ATP6V0A1: variants seen among roughly 807,000 people sequenced by gnomAD.
The protein encoded by ATP6V0A1 is V-type proton ATPase 116 kDa subunit a 1.
ATP6V0A1 carries 43 observed loss-of-function variants against 105.4 expected under a neutral mutation model. The observed-to-expected ratio is 0.41, with a 90% CI of 0.32 to 0.53. The LOEUF is 0.53. Among genes scored for constraint, ATP6V0A1 ranks in the 20% least tolerant of loss-of-function variants. The pLI, the probability that ATP6V0A1 is intolerant of heterozygous loss-of-function variation, is 0.30. For missense variants in ATP6V0A1, 676 were observed against 1,051.1 expected (o/e 0.64, Z 4.93); for synonymous variants, 362 against 372.8 (o/e 0.97, Z 0.33).
chr17:42,459,495 A>G (rs1230792006), intron 1 of ATP6V0A1, among the ~76,000 whole-genome samples: 3 of 152,192 alleles, frequency 2.0e-5, no homozygotes, highest in African/African-American at 7.2e-5. Context: ...ACTTTGGCCT[A>G]ATTAGTTTTC....
chr17:42,476,473 G>A (rs754180917), intron 5 of ATP6V0A1, among the ~76,000 whole-genome samples: 145 of 152,150 alleles, frequency 9.5e-4, no homozygotes, highest in Non-Finnish European at 1.7e-3. Context: ...TTGTCTTATT[G>A]TGCTTTTGAA....
chr17:42,519,488 T>G (rs763558287), intron 21 of ATP6V0A1: 2 of 152,254 alleles, frequency 1.3e-5, no homozygotes, highest in Non-Finnish European at 2.9e-5. Flanking sequence ...AAATCTCGTT[T>G]CAGCTGTTCT....
chr17:42,500,624 A>G (rs2091595040), intron 15 of ATP6V0A1, 83 bp from the exon 16 acceptor site: 3 of 1,164,424 alleles, frequency 2.6e-6, no homozygotes, highest in African/African-American at 3.1e-5. Context: ...TATTAAGTAG[A>G]AAAATCTAGT....
At chr17:42,478,368 GATATAT>G in intron 6 of ATP6V0A1, 89 bp from the exon 7 acceptor site, 1 of 856,812 alleles carries the variant, frequency 1.2e-6, no homozygotes, top group Non-Finnish European at 1.5e-6. Context: ...AATAAAAAAA[GATATAT>G]ATATAAATAT....
At chr17:42,490,077 A>G (rs1177789979) in intron 10 of ATP6V0A1, among the ~76,000 whole-genome samples, 1 of 152,196 alleles carries the variant, frequency 6.6e-6, no homozygotes, top group Admixed American at 6.5e-5. Context: ...AGGGATCAGG[A>G]AGTTAAGAGA....
chr17:42,462,843 A>T (rs948881782), intron 2 of ATP6V0A1, among the ~76,000 whole-genome samples: 2 of 150,374 alleles, frequency 1.3e-5, no homozygotes, highest in African/African-American at 2.5e-5. Context: ...GAACTCCTGG[A>T]CTCAAGCGGT....
At chr17:42,496,499 A>T (rs1043215477) in intron 14 of ATP6V0A1, 7 of 151,880 alleles carry the variant, frequency 4.6e-5, no homozygotes, top group African/African-American at 1.7e-4. Context: ...GTAAAAATGG[A>T]GTGGCGGCAA....
chr17:42,466,551 T>G (rs1283860749), intron 3 of ATP6V0A1, 44 bp downstream of exon 3: 2 of 1,518,918 alleles, frequency 1.3e-6, no homozygotes, highest in Non-Finnish European at 1.8e-6. Flanking sequence ...TAATGAATCA[T>G]TTGTCTTAGA....
chr17:42,507,447 A>G (rs2092098699), intron 17 of ATP6V0A1, 73 bp from the exon 18 acceptor site: 8 of 1,077,026 alleles, frequency 7.4e-6, no homozygotes, highest in Non-Finnish European at 1.1e-5. Context: ...GTTACTAACC[A>G]TCGCCCTTCC....
At chr17:42,512,789 AAAG>A (rs1388608002) in intron 19 of ATP6V0A1, among the ~76,000 whole-genome samples, 1 of 152,174 alleles carries the variant, frequency 6.6e-6, no homozygotes, top group African/African-American at 2.4e-5. Flanking sequence ...GTGGGTTTTG[AAAG>A]GAACTGCGGT....
At chr17:42,473,163 A>C (rs1040834154) in intron 5 of ATP6V0A1, among the ~76,000 whole-genome samples, 1 of 152,222 alleles carries the variant, frequency 6.6e-6, no homozygotes, top group Non-Finnish European at 1.5e-5. Flanking sequence ...AGAGTCGAGA[A>C]TTTTGAGACT....
At chr17:42,492,292 C>T (rs542697233) in intron 11 of ATP6V0A1, among the ~76,000 whole-genome samples, 2 of 152,108 alleles carry the variant, frequency 1.3e-5, no homozygotes, top group South Asian at 4.2e-4. Context: ...TCACTTGAAC[C>T]CAGGAGGCAA....
At chr17:42,459,675 G>A (rs1323244372) in intron 1 of ATP6V0A1, among the ~76,000 whole-genome samples, 1 of 152,190 alleles carries the variant, frequency 6.6e-6, no homozygotes, top group Non-Finnish European at 1.5e-5. Flanking sequence ...TTGTTTAAGG[G>A]TGGTGCCGGT....
At chr17:42,500,582 T>A (rs2091591103) in intron 15 of ATP6V0A1, 125 bp from the exon 16 acceptor site, 1 of 728,660 alleles carries the variant, frequency 1.4e-6, no homozygotes, top group Non-Finnish European at 2.3e-6. Context: ...TGGTTGCTGC[T>A]GCTTAAAGTG....
intron 5 of ATP6V0A1, among the ~76,000 whole-genome samples, chr17:42,476,367 A>G (rs913734785): frequency 6.6e-6 from 1 of 152,168 alleles, no homozygotes; most frequent in Non-Finnish European, 1.5e-5. Flanking sequence ...TTATCAAGTT[A>G]TGGTCCCTGT....
rs918031995 is a variant in ATP6V0A1 at position 42,460,827 on chromosome 17, G to T, written c.-47-21G>T. On this transcript the variant is annotated intron_variant, in intron 1 of 21. Transcript: ENST00000343619. ...CCCTCGTGGTAATTTCCAAAGTTAT[G>T]TCATTTTCTCTTTGCTTCAGGTTGG... 4.5e-6 allele frequency: 6 copies of T among 1,320,534 alleles called. No homozygotes were observed. The Admixed American group carries it at 8.7e-5, about 19-fold the overall frequency. 81.8% of individuals were successfully genotyped at this position (1,320,534 alleles called of 1,614,324 possible).
Position 42,494,353 on chromosome 17 carries a change from G to T in ATP6V0A1, c.1194G>T (p.Thr398=). Residue 398 remains threonine, a synonymous_variant, in exon 12 of 22, where the codon ACG becomes ACT. Coordinates refer to ENST00000343619, the MANE Select transcript of ATP6V0A1 (RefSeq NM_001130021.3). ...EINPAPYTII[T]FPFLFAVMFG... ...TCATAGCTCCGTATACTATTATCAC[G>T]TTCCCTTTTCTATTTGCTGTGATGT... 1 of 1,613,144 alleles carries T rather than the reference G, an allele frequency of 6.2e-7. No homozygotes were observed. The highest frequency in any genetic ancestry group is 8.5e-7 in the Non-Finnish European group (1 of 1,179,386).
chr17:42,514,560 A>G (rs771892850), intron 21 of ATP6V0A1, 100 bp downstream of exon 21: 8 of 1,243,220 alleles, frequency 6.4e-6, no homozygotes, highest in South Asian at 4.8e-5. Context: ...AGCTCTGTGC[A>G]GGAAAGATGA....
chr17:42,499,136 C>A, intron 15 of ATP6V0A1, 94 bp downstream of exon 15: 1 of 914,894 alleles, frequency 1.1e-6, no homozygotes, highest in Non-Finnish European at 1.7e-6. Flanking sequence ...GGATTAATAA[C>A]TCAGAACCTC....
Sources: gnomAD v4.1 joint callset for allele counts (sites outside exome capture counted in the v4.1 genomes callset) on GRCh38, gnomAD v4.1.1 for gene constraint, MANE v1.5 for transcripts, NCBI Gene and HGNC (gene_info 2026-07-23, HGNC 2026-07-21) for gene names.